The following PVT1 variants were observed in gnomAD, a reference collection of about 807,000 sequenced individuals.
PVT1 encodes the protein CXCR4/PVT1 fusion.
intron 3 of PVT1, among the ~76,000 whole-genome samples, chr8:127,929,730 T>C (rs1169319460): frequency 6.6e-6 from 1 of 151,204 alleles, no homozygotes; most frequent in East Asian, 1.9e-4. Flanking sequence ...ATCGCACCAC[T>C]GGACTCCAGC....
chr8:128,001,543 C>A (rs1817177165), intron 4 of PVT1, among the ~76,000 whole-genome samples: 1 of 152,092 alleles, frequency 6.6e-6, no homozygotes, highest in African/African-American at 2.4e-5. Flanking sequence ...TTGGCCCCCA[C>A]CAGATCAGGA....
At chr8:127,867,796 A>G (rs900951735) in intron 2 of PVT1, among the ~76,000 whole-genome samples, 4 of 152,170 alleles carry the variant, frequency 2.6e-5, no homozygotes, top group African/African-American at 4.8e-5. Context: ...TTTATGGAGC[A>G]TCTCCGGATG....
chr8:127,936,445 CAT>C (rs1419528247), intron 3 of PVT1, among the ~76,000 whole-genome samples: 1 of 152,140 alleles, frequency 6.6e-6, no homozygotes, highest in Admixed American at 6.5e-5. Flanking sequence ...CAGCTGCTCT[CAT>C]ATTGCTTTGA....
chr8:127,985,680 C>T (rs1478279254), intron 3 of PVT1, among the ~76,000 whole-genome samples: 1 of 152,242 alleles, frequency 6.6e-6, no homozygotes, highest in Non-Finnish European at 1.5e-5. Context: ...TTTTCTGGGG[C>T]CTTCTCCAGA....
At chr8:128,026,848 C>T (rs13272359) in intron 4 of PVT1, among the ~76,000 whole-genome samples, 3,616 of 152,232 alleles carry the variant, frequency 0.024, 60 homozygotes, top group Middle Eastern at 0.082. Context: ...AATGAGAAGA[C>T]GCTCTCTGGG....
chr8:128,012,224 G>A (rs1212545370), intron 4 of PVT1, among the ~76,000 whole-genome samples: 1 of 152,158 alleles, frequency 6.6e-6, no homozygotes, highest in Non-Finnish European at 1.5e-5. Context: ...GAATACATGG[G>A]CAGAGTCATT....
intron 6 of PVT1, among the ~76,000 whole-genome samples, chr8:128,098,580 C>T (rs1814458280): frequency 6.6e-6 from 1 of 152,186 alleles, no homozygotes; most frequent in African/African-American, 2.4e-5. Context: ...GCACAGGTTA[C>T]ATAACATTCT....
intron 3 of PVT1, among the ~76,000 whole-genome samples, chr8:127,927,213 C>T (rs906236824): frequency 1.3e-5 from 2 of 152,160 alleles, no homozygotes; most frequent in African/African-American, 2.4e-5. Context: ...TTGTGGGGAT[C>T]GGAAATAATC....
intron 3 of PVT1, among the ~76,000 whole-genome samples, chr8:127,956,568 T>C (rs758823677): frequency 6.6e-6 from 1 of 152,268 alleles, no homozygotes; most frequent in Non-Finnish European, 1.5e-5. Context: ...CACTGTAACC[T>C]CTGCCTCCTG....
At chr8:127,941,265 G>C (rs527562248) in intron 3 of PVT1, among the ~76,000 whole-genome samples, 33 of 152,298 alleles carry the variant, frequency 2.2e-4, no homozygotes, top group African/African-American at 7.9e-4. Context: ...CATGTGATTG[G>C]ACTGGGGCCA....
At chr8:127,837,301 A>G (rs1212841533) in intron 2 of PVT1, among the ~76,000 whole-genome samples, 1 of 152,126 alleles carries the variant, frequency 6.6e-6, no homozygotes, top group African/African-American at 2.4e-5. Context: ...GGCTTCATGC[A>G]ACACCTTTCA....
chr8:127,842,954 C>A (rs1290062710), intron 2 of PVT1, among the ~76,000 whole-genome samples: 1 of 152,140 alleles, frequency 6.6e-6, no homozygotes. Context: ...GTCACAATAC[C>A]CTCTCTGGAG....
chr8:127,900,760 C>T (rs1815749463), intron 3 of PVT1, among the ~76,000 whole-genome samples: 2 of 152,230 alleles, frequency 1.3e-5, no homozygotes, highest in Non-Finnish European at 1.5e-5. Context: ...GGGCACAGAG[C>T]ATGCACATTT....
At chr8:128,073,212 A>G (rs1229618899) in intron 5 of PVT1, among the ~76,000 whole-genome samples, 1 of 152,176 alleles carries the variant, frequency 6.6e-6, no homozygotes, top group African/African-American at 2.4e-5. Context: ...TCTCAAGCTC[A>G]GTGATGTGGC....
At chr8:127,889,448 ATTTT>A (rs35522702) in intron 2 of PVT1, among the ~76,000 whole-genome samples, 1 of 139,726 alleles carries the variant, frequency 7.2e-6, no homozygotes, top group African/African-American at 2.6e-5. Context: ...TTTTCCTGTG[ATTTT>A]TTTTTTTTTT....
At chr8:127,900,596 A>G (rs959721726) in intron 3 of PVT1, among the ~76,000 whole-genome samples, 4 of 152,314 alleles carry the variant, frequency 2.6e-5, no homozygotes, top group Admixed American at 6.5e-5. Context: ...TCCCGGCGCT[A>G]TGCTGGGCAG....
At chr8:127,827,245 T>C (rs1814800875) in intron 2 of PVT1, among the ~76,000 whole-genome samples, 1 of 152,114 alleles carries the variant, frequency 6.6e-6, no homozygotes. Flanking sequence ...TCTGCCTGCC[T>C]CAAGCCTCCA....
At chr8:127,907,051 C>T (rs1001479707) in intron 3 of PVT1, among the ~76,000 whole-genome samples, 4 of 151,786 alleles carry the variant, frequency 2.6e-5, no homozygotes, top group Admixed American at 6.6e-5. Context: ...ACCTCCCTCT[C>T]CCGGGCTCAA....
At chr8:127,866,630 G>A (rs1344422422) in intron 2 of PVT1, among the ~76,000 whole-genome samples, 2 of 152,190 alleles carry the variant, frequency 1.3e-5, no homozygotes, top group African/African-American at 4.8e-5. Context: ...AGAGGAACCT[G>A]CTATCTGGTG....
Sources: gnomAD v4.1 joint callset for allele counts (sites outside exome capture counted in the v4.1 genomes callset) on GRCh38, gnomAD v4.1.1 for gene constraint, MANE v1.5 for transcripts, NCBI Gene and HGNC (gene_info 2026-07-23, HGNC 2026-07-21) for gene names.